The following PTPRE variants were observed in gnomAD, a reference collection of about 807,000 sequenced individuals.
The protein encoded by PTPRE is protein tyrosine phosphatase receptor type E, also known as receptor-type tyrosine-protein phosphatase epsilon.
A neutral mutation model predicts 102.0 loss-of-function variants in PTPRE; 51 were observed. The observed-to-expected ratio is 0.50, with a 90% CI of 0.40 to 0.63. The LOEUF (loss-of-function observed/expected upper bound fraction) is 0.63. Among genes scored for constraint, PTPRE ranks in the 30% least tolerant of loss-of-function variants. PTPRE has a pLI of 0.00. For synonymous variants in PTPRE, 345 were observed against 348.2 expected (o/e 0.99, Z 0.10); for missense variants, 752 against 915.1 (o/e 0.82, Z 2.30).
chr10:127,949,433 T>G (rs1164840939), intron 1 of PTPRE, among the ~76,000 whole-genome samples: 2 of 152,186 alleles, frequency 1.3e-5, no homozygotes, highest in Non-Finnish European at 2.9e-5. Context: ...GAACTAAAAA[T>G]GCTGGAGACT....
intron 19 of PTPRE, 66 bp downstream of exon 19, chr10:128,077,849 G>C (rs1851357413): frequency 2.0e-6 from 3 of 1,516,910 alleles, no homozygotes; most frequent in African/African-American, 1.4e-5. Context: ...AGTACCCGCA[G>C]CTGTGGGCAG....
intron 1 of PTPRE, among the ~76,000 whole-genome samples, chr10:127,936,398 T>C (rs1203736348): frequency 6.6e-6 from 1 of 152,174 alleles, no homozygotes; most frequent in Non-Finnish European, 1.5e-5. Flanking sequence ...CTGTTTATGT[T>C]GTAGATGTTA....
chr10:127,940,731 A>T (rs377534921), intron 1 of PTPRE, among the ~76,000 whole-genome samples: 29 of 152,084 alleles, frequency 1.9e-4, no homozygotes, highest in African/African-American at 6.3e-4. Context: ...CTAGCCTTGA[A>T]CTCACAGGCT....
chr10:127,927,503 G>A (rs1034959746), intron 1 of PTPRE, among the ~76,000 whole-genome samples: 1 of 152,192 alleles, frequency 6.6e-6, no homozygotes, highest in Admixed American at 6.5e-5. Flanking sequence ...GCTCAGAGAT[G>A]GAAACTAAGT....
rs578168802 is a variant in PTPRE, at chr10:127,945,302, G to A, written c.-30-36972G>A. Among the ~76,000 whole-genome samples the A allele has an allele frequency of 2.0e-5, 3 of 152,310 alleles. No individual in the cohort carries two copies. In the East Asian group the frequency reaches 5.8e-4, roughly 29 times the overall value. On this transcript the variant is annotated intron_variant, in intron 1 of 20. Transcript: ENST00000254667. ...GTGAGAGGGGTGACTTGCGGAACTGGCAACTCAATGTGGAGAATCTTCCAG... is the reference window on the plus strand; with the variant it reads ...GTGAGAGGGGTGACTTGCGGAACTGACAACTCAATGTGGAGAATCTTCCAG...
intron 1 of PTPRE, among the ~76,000 whole-genome samples, chr10:127,926,356 T>G (rs1035569590): frequency 2.0e-5 from 3 of 152,256 alleles, no homozygotes; most frequent in Non-Finnish European, 4.4e-5. Context: ...TGTTTTAATA[T>G]GAGCATATTT....
At chr10:127,936,533 A>T (rs1847855985) in intron 1 of PTPRE, among the ~76,000 whole-genome samples, 1 of 152,142 alleles carries the variant, frequency 6.6e-6, no homozygotes, top group African/African-American at 2.4e-5. Context: ...TCTGTCTGGA[A>T]GTGACAGCCC....
intron 2 of PTPRE, chr10:127,999,680 A>G: frequency 1.0e-6 from 1 of 983,996 alleles, no homozygotes; most frequent in Non-Finnish European, 1.2e-6. Context: ...TGAATTATAC[A>G]TTTATTTTTA....
At position 128,079,716 on chromosome 10, in the gene PTPRE, G is replaced by A. The variant is rs760608998; in HGVS notation, c.2028+21G>A. 5.6e-6 allele frequency: 9 copies of A among 1,600,292 alleles called. 1 individual carries two copies. In the South Asian group the frequency reaches 8.8e-5, roughly 16 times the overall value. On this transcript the variant is annotated intron_variant, in intron 20 of 20. Coordinates refer to ENST00000254667, the MANE Select transcript of PTPRE (RefSeq NM_006504.6). ...CCCTGGTAAGAATCTGAATAAGGAT[G>A]TTACCAGAAGAGTGGAGAATTATTT...
intron 1 of PTPRE, among the ~76,000 whole-genome samples, chr10:127,923,896 C>A (rs1271495527): frequency 6.6e-6 from 1 of 152,108 alleles, no homozygotes; most frequent in Non-Finnish European, 1.5e-5. Context: ...CCAGGGAGAG[C>A]TGGGAGTGCT....
chr10:127,927,918 C>T (rs1435989903), intron 1 of PTPRE, among the ~76,000 whole-genome samples: 3 of 152,106 alleles, frequency 2.0e-5, no homozygotes, highest in Non-Finnish European at 4.4e-5. Flanking sequence ...AGCATGATGG[C>T]TTTCTTTTAA....
At chr10:127,993,594 G>A (rs762381542) in intron 2 of PTPRE, among the ~76,000 whole-genome samples, 19 of 152,210 alleles carry the variant, frequency 1.2e-4, no homozygotes, top group South Asian at 6.2e-4. Flanking sequence ...ATGAACAGGC[G>A]TGGAAGAAGG....
intron 2 of PTPRE, among the ~76,000 whole-genome samples, chr10:128,013,553 TC>T (rs543905682): frequency 2.6e-5 from 4 of 151,374 alleles, no homozygotes; most frequent in Admixed American, 1.3e-4. Flanking sequence ...AATGTCTGTG[TC>T]CCCCCCCAGA....
Position 128,085,783 on chromosome 10 carries a change from G to T in PTPRE, c.*2877G>T, listed in dbSNP as rs954029720. The T allele has an allele frequency of 6.8e-6, 1 of 147,902 alleles. No homozygotes were observed. The highest frequency in any genetic ancestry group is 7.0e-5 in the Admixed American group (1 of 14,326). The allele number at this position is 147,902 out of a possible 1,614,324, so 9.2% of individuals were successfully genotyped here. ...GATTATAATGCCAGTGAATGTTGCT[G>T]AACTCTTTGTATATGCAAATTGCAA... On this transcript the variant is annotated 3_prime_UTR_variant, in exon 21 of 21. Transcript: ENST00000254667.
intron 1 of PTPRE, chr10:127,964,843 A>G (rs895490670): frequency 9.3e-5 from 30 of 322,200 alleles, no homozygotes; most frequent in Non-Finnish European, 1.4e-4. Context: ...GCTTGCAGCC[A>G]GTTGTCTAGT....
chr10:128,047,593 G>T (rs1385678929), intron 4 of PTPRE, 104 bp downstream of exon 4: 2 of 1,612,398 alleles, frequency 1.2e-6, no homozygotes, highest in African/African-American at 2.7e-5. Context: ...CAGCTGAGAG[G>T]CTGGGTGGCT....
intron 1 of PTPRE, among the ~76,000 whole-genome samples, chr10:127,945,958 C>T (rs1848590338): frequency 6.6e-6 from 1 of 152,080 alleles, no homozygotes; most frequent in Non-Finnish European, 1.5e-5. Context: ...ACTATGACTC[C>T]ATGGAGTATC....
chr10:127,927,788 G>T (rs1378985959), intron 1 of PTPRE, among the ~76,000 whole-genome samples: 2 of 152,236 alleles, frequency 1.3e-5, no homozygotes, highest in African/African-American at 4.8e-5. Flanking sequence ...AGTCGTATCA[G>T]TGAAAGGGAA....
chr10:127,981,999 G>A (rs1851665762), intron 1 of PTPRE, among the ~76,000 whole-genome samples: 1 of 152,152 alleles, frequency 6.6e-6, no homozygotes, highest in African/African-American at 2.4e-5. Context: ...AGAGGCAGCT[G>A]ACTGATGGAG....
Sources: allele counts gnomAD v4.1 joint callset (sites outside exome capture counted in the v4.1 genomes callset), GRCh38; gene constraint gnomAD v4.1.1; transcripts MANE v1.5; gene names NCBI Gene and HGNC (gene_info 2026-07-23, HGNC 2026-07-21).